The following TMPRSS11F variants were observed in gnomAD, a reference collection of about 807,000 sequenced individuals.
TMPRSS11F encodes transmembrane serine protease 11F.
In TMPRSS11F, 47 loss-of-function variants were observed where a neutral mutation model predicts 60.2. That is an observed-to-expected ratio of 0.78 (90% CI 0.62 to 1.00). The LOEUF is 1.00. Among genes scored for constraint, TMPRSS11F ranks in the 50% least tolerant of loss-of-function variants. The probability of loss-of-function intolerance (pLI) is 0.00; values close to 1 mark genes in which losing one functional copy is unlikely to be tolerated. For synonymous variants in TMPRSS11F, 166 were observed against 167.3 expected, an observed-to-expected ratio of 0.99 and a Z score of 0.06; for missense variants, 519 against 522.9, an observed-to-expected ratio of 0.99 and a Z score of 0.07.
chr4:68,075,035 G>A (rs145508082), intron 3 of TMPRSS11F, among the ~76,000 whole-genome samples: 7 of 152,206 alleles, frequency 4.6e-5, no homozygotes, highest in East Asian at 3.9e-4. Flanking sequence ...GTTATCAGTC[G>A]GAATAACAGG....
intron 3 of TMPRSS11F, among the ~76,000 whole-genome samples, chr4:68,075,719 G>A (rs1391170682): frequency 6.6e-6 from 1 of 152,152 alleles, no homozygotes; most frequent in Non-Finnish European, 1.5e-5. Context: ...AATAGGCTGG[G>A]TGCGGTGGCT....
intron 3 of TMPRSS11F, among the ~76,000 whole-genome samples, chr4:68,084,667 A>G (rs1723771660): frequency 6.6e-6 from 1 of 152,216 alleles, no homozygotes; most frequent in Admixed American, 6.5e-5. Flanking sequence ...AGAATGCTAA[A>G]TGTCAAAATG....
chr4:68,069,847 G>A (rs1412912802), intron 6 of TMPRSS11F, 122 bp downstream of exon 6: 1 of 699,944 alleles, frequency 1.4e-6, no homozygotes, highest in African/African-American at 1.8e-5. Flanking sequence ...TAAGTGTTCG[G>A]TTTACAAAAA....
In TMPRSS11F at chr4:68,115,829, G is replaced by A. The variant is rs1213538282; in HGVS notation, c.11+13981C>T. Among the ~76,000 whole-genome samples, 3 of 151,862 alleles carry A rather than the reference G, an allele frequency of 2.0e-5. No individual in the cohort carries two copies. The East Asian group carries it at 5.8e-4, about 29-fold the overall frequency. ...AACAAAATTTGTAAAATATTTAAAT[G>A]GAAAAAATTTTAAAGCATTTATGAA... On this transcript the variant is annotated intron_variant, in intron 1 of 9. Coordinates refer to ENST00000356291, the MANE Select transcript of TMPRSS11F (RefSeq NM_207407.2).
chr4:68,095,403 C>A (rs945476470), intron 2 of TMPRSS11F, among the ~76,000 whole-genome samples: 4 of 152,058 alleles, frequency 2.6e-5, no homozygotes, highest in Admixed American at 1.3e-4. Context: ...AAATGAGCGA[C>A]TGAGACATGG....
chr4:68,115,746 T>C (rs188561170), intron 1 of TMPRSS11F, among the ~76,000 whole-genome samples: 2 of 152,256 alleles, frequency 1.3e-5, no homozygotes, highest in Admixed American at 6.5e-5. Flanking sequence ...ACTGAAATTG[T>C]AAAAGCAGTA....
intron 2 of TMPRSS11F, among the ~76,000 whole-genome samples, chr4:68,091,747 ATCTCTCTCTCTCTCTCTC>A (rs372346277): frequency 8.4e-5 from 6 of 71,582 alleles, no homozygotes; most frequent in South Asian, 9.6e-4. Context: ...TTAATCTCTA[ATCTCTCTCTCTCTCTCTC>A]TCTCTCTCTC....
chr4:68,114,385 T>C lies in TMPRSS11F; in HGVS notation c.12-15347A>G, dbSNP rs1724470320. Among the ~76,000 whole-genome samples the C allele has an allele frequency of 2.0e-5, 3 of 151,684 alleles. No individual in the cohort carries two copies. In the South Asian group the frequency reaches 6.3e-4, roughly 32 times the overall value. On this transcript the variant is annotated intron_variant, in intron 1 of 9. Transcript: ENST00000356291. ...AACACTAGGAATGAGGAGAAAGATA[T>C]TACCATAGACCTATTAAACATAAAA...
chr4:68,103,841 G>A (rs1378146305), intron 1 of TMPRSS11F, among the ~76,000 whole-genome samples: 1 of 151,862 alleles, frequency 6.6e-6, no homozygotes, highest in Non-Finnish European at 1.5e-5. Context: ...GTATTTTGTA[G>A]TTTTGGCATA....
At chr4:68,094,431 G>A (rs1724026244) in intron 2 of TMPRSS11F, among the ~76,000 whole-genome samples, 1 of 137,516 alleles carries the variant, frequency 7.3e-6, no homozygotes, top group African/African-American at 2.6e-5. Context: ...GATAGCATTG[G>A]GAGATATACC....
intron 9 of TMPRSS11F, among the ~76,000 whole-genome samples, chr4:68,059,086 T>G (rs948955992): frequency 2.0e-4 from 30 of 152,194 alleles, no homozygotes; most frequent in African/African-American, 7.2e-4. Context: ...ATATGGTAAT[T>G]ATAATATTGC....
At chr4:68,106,411 G>A (rs1248086377) in intron 1 of TMPRSS11F, among the ~76,000 whole-genome samples, 2 of 152,154 alleles carry the variant, frequency 1.3e-5, no homozygotes, top group Admixed American at 6.5e-5. Flanking sequence ...GATGACACTG[G>A]TATTTTCATG....
At chr4:68,114,026 G>T (rs1164425777) in intron 1 of TMPRSS11F, among the ~76,000 whole-genome samples, 1 of 151,908 alleles carries the variant, frequency 6.6e-6, no homozygotes, top group Non-Finnish European at 1.5e-5. Context: ...GCTTCTAAAT[G>T]ACTTAGGAAT....
intron 1 of TMPRSS11F, among the ~76,000 whole-genome samples, chr4:68,107,911 T>G (rs1244641810): frequency 6.6e-6 from 1 of 152,104 alleles, no homozygotes; most frequent in Non-Finnish European, 1.5e-5. Flanking sequence ...CACTCCAGCC[T>G]GGAGACAAAG....
chr4:68,073,987 G>C lies in TMPRSS11F; in HGVS notation c.305C>G (p.Ser102Cys). The change falls in exon 4 of 10, where the codon TCT becomes TGT. Residue 102 changes from serine to cysteine, a missense_variant. Coordinates refer to ENST00000356291, the MANE Select transcript of TMPRSS11F (RefSeq NM_207407.2). ...TTTGATAAATCGACCGCCTACAGAA[G>C]AATGTCGAAATATCCTAGACATCTG... ...ERMMSRIFRH[S>C]SVGGRFIKSH... The C allele has an allele frequency of 6.3e-7, 1 of 1,583,228 alleles. No homozygotes were observed. Among genetic ancestry groups the C allele is most frequent in the Non-Finnish European group, 8.6e-7 (1 of 1,167,200 alleles).
intron 1 of TMPRSS11F, among the ~76,000 whole-genome samples, chr4:68,116,334 A>C (rs925543618): frequency 6.6e-6 from 1 of 152,206 alleles, no homozygotes; most frequent in African/African-American, 2.4e-5. Context: ...AAATGAAGTT[A>C]AACATTAAAA....
At position 68,064,821 on chromosome 4, in the gene TMPRSS11F, G is replaced by A. The variant is rs200923126; in HGVS notation, c.879C>T (p.Asp293=). ...ENYHRETNEN[D]IALVQLSTGV... is the part of the protein sequence containing the mutation. The stretch of plus-strand genomic sequence containing the variant: ...CAGTAGAGAGCTGAACCAAAGCAAT[G>A]TCATTTTCATTTGTTTCTCTATGGT... Residue 293 remains aspartate, a synonymous_variant, in exon 8 of 10, where the codon GAC becomes GAT. Transcript: ENST00000356291. The A allele has an allele frequency of 3.5e-5, 57 of 1,614,116 alleles. No homozygotes were observed. Among genetic ancestry groups the A allele is most frequent in the Non-Finnish European group, 4.4e-5 (52 of 1,180,000 alleles).
intron 3 of TMPRSS11F, among the ~76,000 whole-genome samples, chr4:68,082,784 G>T (rs1196194585): frequency 6.6e-6 from 1 of 152,262 alleles, no homozygotes; most frequent in Non-Finnish European, 1.5e-5. Context: ...ACACTGAGAA[G>T]AGTGAGACAT....
chr4:68,072,937 G>C (rs1450074618), intron 4 of TMPRSS11F, among the ~76,000 whole-genome samples: 1 of 152,144 alleles, frequency 6.6e-6, no homozygotes, highest in Non-Finnish European at 1.5e-5. Flanking sequence ...CCTGAGCATA[G>C]AGGTAGATTC....
Sources: gnomAD v4.1 joint callset for allele counts (sites outside exome capture counted in the v4.1 genomes callset) on GRCh38, gnomAD v4.1.1 for gene constraint, MANE v1.5 for transcripts, NCBI Gene and HGNC (gene_info 2026-07-23, HGNC 2026-07-21) for gene names.